The following MTHFD1 variants were observed in gnomAD, a reference collection of about 807,000 sequenced individuals.
MTHFD1 encodes C-1-tetrahydrofolate synthase, cytoplasmic.
A neutral mutation model predicts 110.3 loss-of-function variants in MTHFD1; 44 were observed. The ratio of observed to expected loss-of-function variants is 0.40; its 90% CI spans 0.31 to 0.51. MTHFD1 has a LOEUF of 0.51. Among genes scored for constraint, MTHFD1 ranks in the 20% least tolerant of loss-of-function variants. The probability of loss-of-function intolerance (pLI) is 0.60; values close to 1 mark genes in which losing one functional copy is unlikely to be tolerated. For missense variants in MTHFD1, 909 were observed against 1,173.1 expected (o/e 0.77, Z 3.29); for synonymous variants, 402 against 428.8 (o/e 0.94, Z 0.77).
intron 2 of MTHFD1, among the ~76,000 whole-genome samples, chr14:64,403,693 T>C (rs1483467083): frequency 6.6e-6 from 1 of 151,826 alleles, no homozygotes; most frequent in Non-Finnish European, 1.5e-5. Context: ...AGGCATGAGC[T>C]ACTGCGCTTG....
chr14:64,388,716 A>C, intron 1 of MTHFD1: 1 of 586,086 alleles, frequency 1.7e-6, no homozygotes. Context: ...TATGCTCCCA[A>C]ACGCGCAGCT....
At position 64,390,649 on chromosome 14, in the gene MTHFD1, AGTTT is replaced by A. The variant is rs975288572; in HGVS notation, c.41+2195_41+2198del. On this transcript the variant is annotated intron_variant, in intron 1 of 27. Coordinates refer to ENST00000652337, the MANE Select transcript of MTHFD1 (RefSeq NM_005956.4). ...CAGGCGTCCGCCACCATGTCCAGCT[AGTTT>A]GTTTGTTTGTTTGAGACAGAGTTTC... Among the ~76,000 whole-genome samples, 8 of 151,196 alleles carry A rather than the reference AGTTT, an allele frequency of 5.3e-5. No individual in the cohort carries two copies. The East Asian group carries it at 9.7e-4, about 18-fold the overall frequency.
intron 12 of MTHFD1, among the ~76,000 whole-genome samples, chr14:64,429,002 C>T (rs764373570): frequency 6.6e-5 from 10 of 151,940 alleles, no homozygotes; most frequent in East Asian, 1.9e-4. Context: ...CCTCACTGCA[C>T]GGTCTCTGCC....
chr14:64,411,169 G>C lies in MTHFD1; in HGVS notation c.186+20G>C. 6.2e-7 allele frequency: 1 copy of C among 1,602,894 alleles called. No homozygotes were observed. The highest frequency in any genetic ancestry group is 8.5e-7 in the Non-Finnish European group (1 of 1,171,690). ...GAAGAGGTAACGCCAGAAGAGCTGT[G>C]CCATCACCCTCCCCAACCTCCACCT... On this transcript the variant is annotated intron_variant, in intron 3 of 27. Coordinates refer to ENST00000652337, the MANE Select transcript of MTHFD1 (RefSeq NM_005956.4).
intron 1 of MTHFD1, among the ~76,000 whole-genome samples, chr14:64,391,713 C>G (rs2077806946): frequency 6.6e-6 from 1 of 152,192 alleles, no homozygotes; most frequent in African/African-American, 2.4e-5. Context: ...CCCCTTTTCT[C>G]CCTCACGGGG....
chr14:64,448,388 T>G lies in MTHFD1; in HGVS notation c.2279+71T>G, dbSNP rs2078313456. 10 of 1,202,756 alleles carry G rather than the reference T, an allele frequency of 8.3e-6. No homozygotes were observed. The Admixed American group carries it at 1.7e-4, about 21-fold the overall frequency. The allele number at this position is 1,202,756 out of a possible 1,614,324, so 74.5% of individuals were successfully genotyped here. A position where few individuals can be genotyped will look rare whatever the true frequency, so the allele number is the denominator to read the frequency against. ...TGGAGCTGATTGTACAGCACTGCTT[T>G]TAGCTTTATTTTGTTTTTCAGTTAC... On this transcript the variant is annotated intron_variant, in intron 23 of 27. Coordinates refer to ENST00000652337, the MANE Select transcript of MTHFD1 (RefSeq NM_005956.4).
chr14:64,407,459 T>C (rs994036791), intron 2 of MTHFD1, among the ~76,000 whole-genome samples: 3 of 148,680 alleles, frequency 2.0e-5, no homozygotes, highest in Non-Finnish European at 4.4e-5. Flanking sequence ...AGCAAGACTT[T>C]GTCTCAAAAA....
chr14:64,406,072 CTT>C (rs1022604510), intron 2 of MTHFD1, among the ~76,000 whole-genome samples: 1 of 148,444 alleles, frequency 6.7e-6, no homozygotes, highest in Non-Finnish European at 1.5e-5. Flanking sequence ...GAGTTTTGCT[CTT>C]GTCACCCAGG....
intron 19 of MTHFD1, chr14:64,441,677 G>A (rs974208230): frequency 2.6e-5 from 15 of 571,696 alleles, no homozygotes; most frequent in Non-Finnish European, 4.1e-5. Context: ...ATGGTGGCGG[G>A]CGCCTGTAGT....
chr14:64,421,203 C>A (rs2078067456), intron 8 of MTHFD1, among the ~76,000 whole-genome samples: 1 of 152,050 alleles, frequency 6.6e-6, no homozygotes, highest in Non-Finnish European at 1.5e-5. Context: ...TGTATTGTAT[C>A]TTTTGTTGCA....
At chr14:64,448,467 C>A (rs1314129567) in intron 23 of MTHFD1, 150 bp downstream of exon 23, 3 of 702,044 alleles carry the variant, frequency 4.3e-6, no homozygotes, top group African/African-American at 1.8e-5. Flanking sequence ...GCATTGCATA[C>A]GTCACTGCGG....
intron 24 of MTHFD1, among the ~76,000 whole-genome samples, chr14:64,451,301 C>T (rs901187495): frequency 6.6e-6 from 1 of 152,150 alleles, no homozygotes; most frequent in African/African-American, 2.4e-5. Context: ...GGATTATAGG[C>T]ATGAGCCAAT....
intron 26 of MTHFD1, among the ~76,000 whole-genome samples, chr14:64,456,246 CAG>C (rs2078471838): frequency 6.6e-6 from 1 of 152,186 alleles, no homozygotes; most frequent in Admixed American, 6.5e-5. Flanking sequence ...AAGTATGTGT[CAG>C]AGGCTTTTAA....
chr14:64,448,722 T>G (rs1259488718), intron 23 of MTHFD1, among the ~76,000 whole-genome samples: 2 of 152,054 alleles, frequency 1.3e-5, no homozygotes, highest in Non-Finnish European at 2.9e-5. Context: ...CAAGAACTTG[T>G]GTGGGTTGTT....
At chr14:64,413,229 G>A (rs948452077) in intron 4 of MTHFD1, among the ~76,000 whole-genome samples, 2 of 152,054 alleles carry the variant, frequency 1.3e-5, no homozygotes, top group Admixed American at 6.5e-5. Context: ...GCGCATGCCT[G>A]TAATCCCAGC....
At position 64,455,778 on chromosome 14, in the gene MTHFD1, C is replaced by T. The variant is rs527777237; in HGVS notation, c.2718+903C>T. On this transcript the variant is annotated intron_variant, in intron 26 of 27. Transcript: ENST00000652337. ...AGAGCTGAATTCATTTTCACCTCTTCAGATCTTGGCCTTGGGCAAATTATG... is the reference window on the plus strand; with the variant it reads ...AGAGCTGAATTCATTTTCACCTCTTTAGATCTTGGCCTTGGGCAAATTATG... 1.1e-4 allele frequency among the ~76,000 whole-genome samples: 17 copies of T among 152,320 alleles called. No homozygotes were observed. In the East Asian group the frequency reaches 3.3e-3, roughly 29 times the overall value.
chr14:64,425,210 C>CTTTTTT (rs60509639), intron 9 of MTHFD1, among the ~76,000 whole-genome samples: 1 of 128,758 alleles, frequency 7.8e-6, no homozygotes, highest in Non-Finnish European at 1.7e-5. Context: ...CCTTCCCTTT[C>CTTTTTT]TTTTTTTTTT....
intron 16 of MTHFD1, among the ~76,000 whole-genome samples, chr14:64,436,384 G>A (rs1029323549): frequency 3.3e-5 from 5 of 152,060 alleles, no homozygotes; most frequent in Non-Finnish European, 7.4e-5. Flanking sequence ...ATGAGCCACC[G>A]CACCCGGCCT....
intron 9 of MTHFD1, among the ~76,000 whole-genome samples, chr14:64,425,348 G>T (rs2078110621): frequency 6.6e-6 from 1 of 151,954 alleles, no homozygotes; most frequent in African/African-American, 2.4e-5. Context: ...GAGTAGCTGG[G>T]ATTACAGGTG....
Sources: allele counts gnomAD v4.1 joint callset (sites outside exome capture counted in the v4.1 genomes callset), GRCh38; gene constraint gnomAD v4.1.1; transcripts MANE v1.5; gene names NCBI Gene and HGNC (gene_info 2026-07-23, HGNC 2026-07-21).